ISM2: variants seen among roughly 807,000 people sequenced by gnomAD.
The protein encoded by ISM2 is isthmin 2.
ISM2 carries 50 observed loss-of-function variants against 58.0 expected under a neutral mutation model. The ratio of observed to expected loss-of-function variants is 0.86; its 90% CI spans 0.69 to 1.09. The LOEUF (loss-of-function observed/expected upper bound fraction) is 1.09. Among genes scored for constraint, ISM2 ranks in the 50% least tolerant of loss-of-function variants. The pLI is 0.00. For synonymous variants in ISM2, 303 were observed against 312.4 expected (o/e 0.97, Z 0.32); for missense variants, 723 against 745.0 (o/e 0.97, Z 0.34).
At chr14:77,485,880 T>C (rs2079164544) in intron 1 of ISM2, among the ~76,000 whole-genome samples, 1 of 152,246 alleles carries the variant, frequency 6.6e-6, no homozygotes, top group South Asian at 2.1e-4. Context: ...AAATCCCATC[T>C]CTGCCTCTTA....
rs140380119 is a variant in ISM2, at chr14:77,485,322, C to T, written c.142-403G>A. ...GCCCTCACAGGCCAGAGGAGAAAGG[C>T]CCCCAGGGATGCACCTGGTCCTATC... On this transcript the variant is annotated intron_variant, in intron 1 of 6. Coordinates refer to ENST00000342219, the MANE Select transcript of ISM2 (RefSeq NM_199296.3). 6.4e-3 allele frequency among the ~76,000 whole-genome samples: 979 copies of T among 152,320 alleles called. 9 individuals are homozygous for T. The highest frequency in any genetic ancestry group is 0.023 in the African/African-American group (942 of 41,562).
At chr14:77,498,054 C>G (rs1004884762) in intron 1 of ISM2, among the ~76,000 whole-genome samples, 3 of 152,232 alleles carry the variant, frequency 2.0e-5, no homozygotes, top group Non-Finnish European at 4.4e-5. Context: ...CAGGGTTTGA[C>G]AGACCATGGC....
chr14:77,496,799 G>GAAAAAAAAA lies in ISM2; in HGVS notation c.141+1845_141+1853dup, dbSNP rs772342344. Among the ~76,000 whole-genome samples the GAAAAAAAAA allele has an allele frequency of 1.9e-4, 5 of 25,802 alleles. 1 individual carries two copies. Among genetic ancestry groups the GAAAAAAAAA allele is most frequent in the African/African-American group, 7.3e-4 (4 of 5,462 alleles). The allele number at this position is 25,802 out of a possible 152,430, so 16.9% of individuals were successfully genotyped here. The stretch of plus-strand genomic sequence containing the variant: ...GTGACAGAGTGAGACTCCATCTCAG[G>GAAAAAAAAA]AAAAAAAAAAAAAAAAAAAAAAAAA... On this transcript the variant is annotated intron_variant, in intron 1 of 6. Transcript: ENST00000342219.
At chr14:77,491,190 T>C (rs1336340778) in intron 1 of ISM2, among the ~76,000 whole-genome samples, 1 of 152,216 alleles carries the variant, frequency 6.6e-6, no homozygotes, top group Non-Finnish European at 1.5e-5. Context: ...ACCATGTTCA[T>C]GACACTGCCT....
chr14:77,495,274 T>C (rs1408930694), intron 1 of ISM2, among the ~76,000 whole-genome samples: 1 of 152,160 alleles, frequency 6.6e-6, no homozygotes, highest in Non-Finnish European at 1.5e-5. Context: ...AGGCCTAGAC[T>C]CTAAGCTCTG....
chr14:77,496,595 G>A (rs1307831920), intron 1 of ISM2, among the ~76,000 whole-genome samples: 3 of 149,494 alleles, frequency 2.0e-5, no homozygotes, highest in East Asian at 2.0e-4. Flanking sequence ...CAGCCAGTTC[G>A]AGACCAGCCT....
chr14:77,476,109 A>T lies in ISM2; in HGVS notation c.1202T>A (p.Val401Glu), dbSNP rs2079097228. ...RNATDMHDQD[V>E]DSCEKWLNCK... ...GTTCAGCCACTTCTCACAGCTGTCC[A>T]CATCTGCAAAGGGCCACAAAGTGCA... The change falls in exon 7 of 7, where the codon GTG becomes GAG. Residue 401 changes from valine to glutamate, a missense_variant. Coordinates refer to ENST00000342219, the MANE Select transcript of ISM2 (RefSeq NM_199296.3). The T allele has an allele frequency of 1.3e-6, 2 of 1,514,882 alleles. No homozygotes were observed. Among genetic ancestry groups the T allele is most frequent in the Non-Finnish European group, 1.8e-6 (2 of 1,136,242 alleles). The allele number at this position is 1,514,882 out of a possible 1,614,324, so 93.8% of individuals were successfully genotyped here.
intron 1 of ISM2, among the ~76,000 whole-genome samples, chr14:77,490,418 A>G (rs960857022): frequency 1.7e-5 from 2 of 119,748 alleles, no homozygotes; most frequent in Non-Finnish European, 3.7e-5. Context: ...CGATCACCCT[A>G]TATGTACAGA....
At chr14:77,492,000 CTT>C (rs537901154) in intron 1 of ISM2, among the ~76,000 whole-genome samples, 8 of 145,108 alleles carry the variant, frequency 5.5e-5, no homozygotes, top group Non-Finnish European at 4.6e-5. Flanking sequence ...AGCCCCCCAC[CTT>C]TTTTTTTTTT....
chr14:77,484,138 G>C, intron 3 of ISM2, 185 bp downstream of exon 3: 1 of 700,720 alleles, frequency 1.4e-6, no homozygotes. Context: ...CCCACAGCTA[G>C]AAAGTAGAGG....
At chr14:77,495,601 G>A (rs1273090070) in intron 1 of ISM2, among the ~76,000 whole-genome samples, 2 of 152,182 alleles carry the variant, frequency 1.3e-5, no homozygotes, top group African/African-American at 4.8e-5. Context: ...TACGGGCAGT[G>A]GGGATAGGGT....
In ISM2 at chr14:77,484,434, T is replaced by C; in HGVS notation, c.516A>G (p.Pro172=). 1 of 1,612,040 alleles carries C rather than the reference T, an allele frequency of 6.2e-7. No homozygotes were observed. Among genetic ancestry groups the C allele is most frequent in the Non-Finnish European group, 8.5e-7 (1 of 1,179,362 alleles). Residue 172 remains proline (P), a synonymous_variant, in exon 3 of 7, where the codon CCA becomes CCG. Coordinates refer to ENST00000342219, the MANE Select transcript of ISM2 (RefSeq NM_199296.3). Reference sequence around the variant, plus strand: ...GGGTCCTGGGAGGCGTGGCATTCCCTGGGGTCAGGGCTGCTGGCTCAGTGA... The same window carrying C: ...GGGTCCTGGGAGGCGTGGCATTCCCCGGGGTCAGGGCTGCTGGCTCAGTGA... The part of the protein sequence containing the change: ...WTVTEPAALT[P]GNATPPRTQE...
intron 1 of ISM2, among the ~76,000 whole-genome samples, chr14:77,493,695 C>T (rs372852779): frequency 2.6e-5 from 4 of 152,246 alleles, no homozygotes; most frequent in Admixed American, 6.5e-5. Context: ...CTCCTGACCT[C>T]AAGTGATCCA....
chr14:77,482,810 G>T, intron 3 of ISM2, 143 bp from the exon 4 acceptor site: 1 of 583,200 alleles, frequency 1.7e-6, no homozygotes, highest in Non-Finnish European at 3.0e-6. Context: ...TGACATTTTT[G>T]GCTAACCTTC....
At chr14:77,483,714 T>C (rs2079148085) in intron 3 of ISM2, 1 of 152,236 alleles carries the variant, frequency 6.6e-6, no homozygotes, top group South Asian at 2.1e-4. Flanking sequence ...TTTTAAATAA[T>C]TTTAGAATTG....
intron 4 of ISM2, among the ~76,000 whole-genome samples, chr14:77,480,515 G>A (rs1287559300): frequency 1.3e-5 from 2 of 149,288 alleles, no homozygotes; most frequent in Non-Finnish European, 3.0e-5. Context: ...GAAAATTAAT[G>A]GGAGAAAAGC....
chr14:77,478,211 C>A, intron 6 of ISM2, 31 bp downstream of exon 6: 2 of 1,599,132 alleles, frequency 1.3e-6, no homozygotes, highest in Non-Finnish European at 1.7e-6. Flanking sequence ...GTTCCCCAAA[C>A]CACCAGGGGC....
chr14:77,487,358 C>T (rs1594951785), intron 1 of ISM2, among the ~76,000 whole-genome samples: 1 of 152,176 alleles, frequency 6.6e-6, no homozygotes, highest in African/African-American at 2.4e-5. Context: ...TGGCTTCTAA[C>T]CTGTGGGGCC....
chr14:77,493,399 T>C (rs998404834), intron 1 of ISM2, among the ~76,000 whole-genome samples: 1 of 152,168 alleles, frequency 6.6e-6, no homozygotes, highest in African/African-American at 2.4e-5. Context: ...GGGAGTAAAC[T>C]GAGGCTCAGC....
Sources: gnomAD v4.1 joint callset for allele counts (sites outside exome capture counted in the v4.1 genomes callset) on GRCh38, gnomAD v4.1.1 for gene constraint, MANE v1.5 for transcripts, NCBI Gene and HGNC (gene_info 2026-07-23, HGNC 2026-07-21) for gene names.